The following RGS7BP variants were observed in gnomAD, a reference collection of about 807,000 sequenced individuals.
The protein encoded by RGS7BP is regulator of G protein signaling 7 binding protein.
RGS7BP carries 9 observed loss-of-function variants against 31.3 expected under a neutral mutation model. The ratio of observed to expected loss-of-function variants is 0.29; its 90% CI spans 0.17 to 0.50. RGS7BP has a LOEUF of 0.50. RGS7BP is among the 20% of genes least tolerant of loss of function. The pLI is 0.98. For synonymous variants in RGS7BP, 115 were observed against 120.1 expected (o/e 0.96, Z 0.28); for missense variants, 274 against 322.0 (o/e 0.85, Z 1.14).
rs183181125 is a variant in RGS7BP, at chr5:64,581,050, C to T, written c.463+5146C>T. 2.2e-3 allele frequency among the ~76,000 whole-genome samples: 332 copies of T among 152,054 alleles called. 2 individuals are homozygous for T. The highest frequency in any genetic ancestry group is 7.8e-3 in the African/African-American group (325 of 41,476). On this transcript the variant is annotated intron_variant, in intron 3 of 5. Coordinates refer to ENST00000334025, the MANE Select transcript of RGS7BP (RefSeq NM_001029875.3). Reference sequence around the variant, plus strand: ...GCAACATGGTGAGACCCTGTCTCTACAAAAAATACAAAAATTAGCCAGGTG... The same window carrying T: ...GCAACATGGTGAGACCCTGTCTCTATAAAAAATACAAAAATTAGCCAGGTG...
chr5:64,518,647 C>T (rs1270396461), intron 2 of RGS7BP, among the ~76,000 whole-genome samples: 2 of 152,064 alleles, frequency 1.3e-5, no homozygotes, highest in Admixed American at 6.6e-5. Context: ...ACTGCATTAT[C>T]GGTTTGGAAT....
At chr5:64,600,504 T>G (rs1743190042) in intron 5 of RGS7BP, among the ~76,000 whole-genome samples, 2 of 152,166 alleles carry the variant, frequency 1.3e-5, no homozygotes, top group Non-Finnish European at 2.9e-5. Context: ...TTAATTACAT[T>G]TTTAAATGTA....
At chr5:64,567,588 CG>C (rs1419405555) in intron 2 of RGS7BP, among the ~76,000 whole-genome samples, 1 of 152,080 alleles carries the variant, frequency 6.6e-6, no homozygotes, top group African/African-American at 2.4e-5. Flanking sequence ...TTTCAGACAT[CG>C]GGATCAATTG....
intron 3 of RGS7BP, among the ~76,000 whole-genome samples, chr5:64,583,881 G>A (rs891508323): frequency 6.6e-6 from 1 of 152,196 alleles, no homozygotes; most frequent in Admixed American, 6.5e-5. Context: ...TGTAGATGTT[G>A]GCTGAAGAAT....
At chr5:64,517,016 GAAAAAAAA>G (rs58172150) in intron 2 of RGS7BP, among the ~76,000 whole-genome samples, 1 of 77,010 alleles carries the variant, frequency 1.3e-5, no homozygotes, top group Non-Finnish European at 2.9e-5. Flanking sequence ...TTCTCGCCCA[GAAAAAAAA>G]AAAAAAAAAA....
rs767740689 is a variant in RGS7BP at position 64,506,807 on chromosome 5, CTCT to C, written c.165+20_165+22del. On this transcript the variant is annotated intron_variant, in intron 1 of 5. Transcript: ENST00000334025. This position sits in a 1 kb window ranked among gnomAD's most constrained non-coding sequence, Gnocchi z 4.6. ...GCAAGATGGTGGGTGAAAACTGCGCCTCTTTTTTTTTTTTTTTAATTGAGAGGG... is the reference window on the plus strand; with the variant it reads ...GCAAGATGGTGGGTGAAAACTGCGCCTTTTTTTTTTTTTTAATTGAGAGGG... The C allele has an allele frequency of 7.4e-5, 98 of 1,323,984 alleles. No individual in the cohort carries two copies. The highest frequency in any genetic ancestry group is 6.2e-4 in the Middle Eastern group (3 of 4,816). 82.0% of individuals were successfully genotyped at this position (1,323,984 alleles called of 1,614,324 possible).
rs970721929 is a variant in RGS7BP, at chr5:64,518,482, G to A, written c.332+10605G>A. 5.3e-5 allele frequency among the ~76,000 whole-genome samples: 8 copies of A among 152,146 alleles called. No homozygotes were observed. The East Asian group carries it at 5.8e-4, about 11-fold the overall frequency. ...ATTATTAAGGAATGACATATGCAGC[G>A]TGGGTAGTTATCTTCTGATAGGGTG... On this transcript the variant is annotated intron_variant, in intron 2 of 5. Transcript: ENST00000334025.
intron 5 of RGS7BP, chr5:64,601,594 C>A: frequency 5.2e-6 from 1 of 193,250 alleles, no homozygotes; most frequent in Non-Finnish European, 9.5e-6. Context: ...CCTTGCACTG[C>A]TGAGTTCCAC....
chr5:64,539,950 G>A (rs921079072), intron 2 of RGS7BP, among the ~76,000 whole-genome samples: 2 of 152,046 alleles, frequency 1.3e-5, no homozygotes, highest in Non-Finnish European at 2.9e-5. Flanking sequence ...GAGGTTATCT[G>A]TTCTTCGTTC....
intron 3 of RGS7BP, among the ~76,000 whole-genome samples, chr5:64,584,403 A>G (rs1310685034): frequency 6.6e-6 from 1 of 152,226 alleles, no homozygotes; most frequent in African/African-American, 2.4e-5. Context: ...AATAAATAAA[A>G]TGAAACATTC....
intron 2 of RGS7BP, among the ~76,000 whole-genome samples, chr5:64,558,945 G>A (rs1741987982): frequency 6.6e-6 from 1 of 152,190 alleles, no homozygotes; most frequent in Non-Finnish European, 1.5e-5. Flanking sequence ...AGTCAGACCA[G>A]TTCTCTGCTC....
At chr5:64,568,243 C>G (rs868059680) in intron 2 of RGS7BP, among the ~76,000 whole-genome samples, 6 of 152,080 alleles carry the variant, frequency 3.9e-5, no homozygotes, top group Admixed American at 3.9e-4. Flanking sequence ...ATTCAGCACT[C>G]AGACTCTATC....
intron 3 of RGS7BP, among the ~76,000 whole-genome samples, chr5:64,581,790 A>G (rs1490445997): frequency 1.3e-5 from 2 of 152,224 alleles, no homozygotes; most frequent in South Asian, 2.1e-4. Flanking sequence ...CTGTCTCATA[A>G]GTCTGATTGG....
chr5:64,532,009 G>C (rs1749382140), intron 2 of RGS7BP, among the ~76,000 whole-genome samples: 1 of 151,930 alleles, frequency 6.6e-6, no homozygotes, highest in African/African-American at 2.4e-5. Context: ...ACAAGCACAA[G>C]TAAAGAATAA....
intron 2 of RGS7BP, among the ~76,000 whole-genome samples, chr5:64,524,245 C>G (rs558353072): frequency 6.4e-4 from 97 of 152,304 alleles, no homozygotes; most frequent in Admixed American, 3.4e-3. Flanking sequence ...AGTGCGGAAA[C>G]TATATCAAAC....
At chr5:64,554,326 C>T (rs1741870601) in intron 2 of RGS7BP, among the ~76,000 whole-genome samples, 1 of 152,196 alleles carries the variant, frequency 6.6e-6, no homozygotes, top group South Asian at 2.1e-4. Flanking sequence ...CTCCTCTCAT[C>T]CTTCGTAGTG....
rs754877638 is a variant in RGS7BP at position 64,506,700 on chromosome 5, C to A, written c.76C>A (p.Pro26Thr). Residue 26 changes from proline (P) to threonine (T), a missense_variant, in exon 1 of 6, where the codon CCC (proline) becomes ACC (threonine). Coordinates refer to ENST00000334025, the MANE Select transcript of RGS7BP (RefSeq NM_001029875.3). The surrounding 1 kb of genome is among the most constrained non-coding windows in gnomAD (Gnocchi z 4.6). ...TRSSIFQISK[P>T]PLQSGDWERR... is the part of the protein sequence containing the mutation. ...CTCCTCGATCTTCCAGATCAGCAAG[C>A]CCCCGCTGCAGAGCGGAGATTGGGA... The A allele has an allele frequency of 6.2e-7, 1 of 1,613,356 alleles. No individual in the cohort carries two copies. The highest frequency in any genetic ancestry group is 8.5e-7 in the Non-Finnish European group (1 of 1,179,396).
intron 3 of RGS7BP, among the ~76,000 whole-genome samples, chr5:64,582,367 C>T (rs1297519415): frequency 2.0e-5 from 3 of 152,184 alleles, no homozygotes; most frequent in African/African-American, 7.2e-5. Flanking sequence ...TGGCAACAGC[C>T]CCATTCTGAA....
At chr5:64,540,901 T>C (rs1054716154) in intron 2 of RGS7BP, among the ~76,000 whole-genome samples, 9 of 152,218 alleles carry the variant, frequency 5.9e-5, no homozygotes, top group African/African-American at 2.2e-4. Context: ...AGAGGAGTCC[T>C]GCATTGAACA....
Sources: allele counts gnomAD v4.1 joint callset (sites outside exome capture counted in the v4.1 genomes callset), GRCh38; gene constraint gnomAD v4.1.1; non-coding constraint Gnocchi (gnomAD v3.1); transcripts MANE v1.5; gene names NCBI Gene and HGNC (gene_info 2026-07-23, HGNC 2026-07-21).